CWC27: variants seen among roughly 807,000 people sequenced by gnomAD.
CWC27 encodes CWC27 spliceosome associated cyclophilin, also known as spliceosome-associated protein CWC27 homolog.
In CWC27, 47 loss-of-function variants were observed where a neutral mutation model predicts 63.6. The observed-to-expected ratio is 0.74, with a 90% confidence interval of 0.58 to 0.94. The LOEUF (loss-of-function observed/expected upper bound fraction) is 0.94, where lower values mean the gene tolerates loss of function less well. Ranked by LOEUF, CWC27 falls within the 40% of genes least tolerant of loss-of-function variation. The probability of loss-of-function intolerance (pLI) is 0.00; values close to 1 mark genes in which losing one functional copy is unlikely to be tolerated. For missense variants in CWC27, 495 were observed against 554.3 expected (o/e 0.89, Z 1.07); for synonymous variants, 175 against 179.8 (o/e 0.97, Z 0.22).
intron 7 of CWC27, among the ~76,000 whole-genome samples, chr5:64,791,439 C>T (rs989034944): frequency 6.8e-6 from 1 of 147,428 alleles, no homozygotes; most frequent in African/African-American, 2.5e-5. Flanking sequence ...AGGATAGCAG[C>T]ACAGATAGTG....
intron 11 of CWC27, among the ~76,000 whole-genome samples, chr5:64,904,023 G>A (rs369880138): frequency 2.0e-5 from 3 of 148,598 alleles, no homozygotes; most frequent in South Asian, 2.1e-4. Flanking sequence ...TATGAATAAT[G>A]CTATACAGTG....
chr5:64,927,096 A>G (rs1370941808), intron 11 of CWC27, among the ~76,000 whole-genome samples: 3 of 152,160 alleles, frequency 2.0e-5, no homozygotes, highest in African/African-American at 7.2e-5. Context: ...GTTGAGGTTG[A>G]TGTATTATTA....
At chr5:64,800,767 G>A (rs1478888930) in intron 8 of CWC27, among the ~76,000 whole-genome samples, 1 of 152,134 alleles carries the variant, frequency 6.6e-6, no homozygotes, top group Admixed American at 6.5e-5. Flanking sequence ...ACTTTGAGGA[G>A]TTAACAGAAA....
chr5:64,841,870 G>A (rs1354915325), intron 10 of CWC27, among the ~76,000 whole-genome samples: 1 of 151,922 alleles, frequency 6.6e-6, no homozygotes, highest in Non-Finnish European at 1.5e-5. Context: ...AGTAGAGATG[G>A]GGTTTCTCCA....
intron 11 of CWC27, among the ~76,000 whole-genome samples, chr5:64,949,357 C>T (rs1748654783): frequency 6.6e-6 from 1 of 151,966 alleles, no homozygotes; most frequent in East Asian, 1.9e-4. Context: ...CTCTTGCAAA[C>T]TCCATCCCTC....
At chr5:65,003,923 C>A (rs1749778835) in intron 13 of CWC27, among the ~76,000 whole-genome samples, 2 of 151,686 alleles carry the variant, frequency 1.3e-5, no homozygotes, top group Non-Finnish European at 2.9e-5. Flanking sequence ...TGGCTCACTG[C>A]AACCACTGCC....
intron 7 of CWC27, among the ~76,000 whole-genome samples, chr5:64,795,714 A>G (rs1744241869): frequency 6.6e-6 from 1 of 152,132 alleles, no homozygotes; most frequent in African/African-American, 2.4e-5. Context: ...AATCCAGGAT[A>G]ATGTCCCCAC....
rs1743983240 is a variant in CWC27 at position 64,789,014 on chromosome 5, TAGTC to T, written c.666_669del (p.Ser222ArgfsTer3). The T allele has an allele frequency of 6.2e-7, 1 of 1,604,134 alleles. No individual in the cohort carries two copies. The highest frequency in any genetic ancestry group is 8.5e-7 in the Non-Finnish European group (1 of 1,174,670). ...AAGAAGAGGAGGAAGTAAATCGAGT[TAGTC>T]AGGTAATCTCTAATTTGCCCTTTGT... On this transcript the variant is annotated frameshift_variant and splice_region_variant, in exon 7 of 14. Coordinates refer to ENST00000381070, the MANE Select transcript of CWC27 (RefSeq NM_005869.4). LOFTEE classifies it high-confidence loss of function.
chr5:64,814,195 T>C (rs901193408), intron 10 of CWC27, among the ~76,000 whole-genome samples: 2 of 152,090 alleles, frequency 1.3e-5, no homozygotes, highest in Admixed American at 1.3e-4. Context: ...TGGACACCCC[T>C]GCAACTGTTC....
At chr5:64,932,082 C>G (rs952530623) in intron 11 of CWC27, among the ~76,000 whole-genome samples, 2 of 152,020 alleles carry the variant, frequency 1.3e-5, no homozygotes, top group African/African-American at 2.4e-5. Flanking sequence ...ACTAACTCTC[C>G]TAAGTGATTT....
intron 7 of CWC27, among the ~76,000 whole-genome samples, chr5:64,792,504 T>C (rs1744119675): frequency 1.3e-5 from 2 of 152,200 alleles, no homozygotes; most frequent in African/African-American, 4.8e-5. Context: ...AAATGCCATC[T>C]TTTCTAAATG....
intron 10 of CWC27, among the ~76,000 whole-genome samples, chr5:64,840,957 T>C (rs888283887): frequency 1.3e-5 from 2 of 152,202 alleles, no homozygotes; most frequent in African/African-American, 4.8e-5. Flanking sequence ...AAGCATGCTA[T>C]AGCTATCTCA....
intron 10 of CWC27, chr5:64,807,733 C>T (rs1436039229): frequency 6.5e-7 from 1 of 1,535,934 alleles, no homozygotes; most frequent in Non-Finnish European, 8.7e-7. Flanking sequence ...TTATTACTCA[C>T]TCGCCACAAT....
At chr5:64,999,765 T>C (rs1481300234) in intron 13 of CWC27, among the ~76,000 whole-genome samples, 1 of 152,148 alleles carries the variant, frequency 6.6e-6, no homozygotes, top group Non-Finnish European at 1.5e-5. Flanking sequence ...TGATTTTGTT[T>C]CTTAGCTATT....
intron 10 of CWC27, among the ~76,000 whole-genome samples, chr5:64,840,684 G>A (rs998551967): frequency 1.3e-5 from 2 of 151,862 alleles, no homozygotes; most frequent in African/African-American, 4.8e-5. Flanking sequence ...TTGTTGGGGA[G>A]CTACTGAAGA....
rs184728122 is a variant in CWC27 at position 64,847,745 on chromosome 5, A to G, written c.939-37698A>G. On this transcript the variant is annotated intron_variant, in intron 10 of 13. Transcript: ENST00000381070. ...AAGAATTTTGGAAAAATTTAAAAAT[A>G]CATGGAAATTGCACAACATGTTTCT... Among the ~76,000 whole-genome samples, 3 of 152,316 alleles carry G rather than the reference A, an allele frequency of 2.0e-5. No homozygotes were observed. In the East Asian group the frequency reaches 5.8e-4, roughly 29 times the overall value.
At chr5:64,976,841 G>A (rs1487065712) in intron 12 of CWC27, among the ~76,000 whole-genome samples, 1 of 152,080 alleles carries the variant, frequency 6.6e-6, no homozygotes, top group Non-Finnish European at 1.5e-5. Flanking sequence ...GGCCAAACAT[G>A]TATTTTCAAA....
At chr5:64,843,031 T>C (rs1745885717) in intron 10 of CWC27, among the ~76,000 whole-genome samples, 1 of 152,268 alleles carries the variant, frequency 6.6e-6, no homozygotes, top group South Asian at 2.1e-4. Flanking sequence ...CCATTAATGT[T>C]AATGTTACAA....
At chr5:64,848,841 C>T (rs1398757434) in intron 10 of CWC27, among the ~76,000 whole-genome samples, 1 of 152,042 alleles carries the variant, frequency 6.6e-6, no homozygotes, top group Non-Finnish European at 1.5e-5. Context: ...TGCCTCAACA[C>T]AATAAAAACC....
Sources: allele counts gnomAD v4.1 joint callset (sites outside exome capture counted in the v4.1 genomes callset), GRCh38; gene constraint gnomAD v4.1.1; transcripts MANE v1.5; gene names NCBI Gene and HGNC (gene_info 2026-07-23, HGNC 2026-07-21).